NCALD: variants seen among roughly 807,000 people sequenced by gnomAD.
NCALD encodes the protein neurocalcin delta, also known as neurocalcin-delta.
NCALD carries 10 observed loss-of-function variants against 18.6 expected under a neutral mutation model. The ratio of observed to expected loss-of-function variants is 0.54; its 90% CI spans 0.33 to 0.91. NCALD has a LOEUF of 0.91. NCALD is among the 40% of genes least tolerant of loss of function. The pLI, the probability that NCALD is intolerant of heterozygous loss-of-function variation, is 0.03. For synonymous variants in NCALD, 88 were observed against 87.4 expected (o/e 1.01, Z -0.04); for missense variants, 184 against 247.6 (o/e 0.74, Z 1.72).
intron 1 of NCALD, among the ~76,000 whole-genome samples, chr8:102,079,172 T>C (rs1193621832): frequency 3.3e-5 from 5 of 152,222 alleles, no homozygotes; most frequent in Non-Finnish European, 7.3e-5. Context: ...GTCCTTTCCA[T>C]GAAACCCCCT....
intron 2 of NCALD, among the ~76,000 whole-genome samples, chr8:101,977,008 G>A (rs1052750891): frequency 5.9e-5 from 9 of 152,130 alleles, no homozygotes; most frequent in Admixed American, 2.6e-4. Context: ...GCAGGCTTAC[G>A]TGGAGATACT....
intron 2 of NCALD, among the ~76,000 whole-genome samples, chr8:102,013,410 A>G (rs1422326828): frequency 6.6e-6 from 1 of 152,180 alleles, no homozygotes; most frequent in Non-Finnish European, 1.5e-5. Flanking sequence ...TGATGTCTAC[A>G]TTTAGTTCTC....
chr8:102,094,872 C>T (rs1293540642), intron 1 of NCALD, among the ~76,000 whole-genome samples: 4 of 152,152 alleles, frequency 2.6e-5, no homozygotes, highest in Non-Finnish European at 4.4e-5. Flanking sequence ...GGAACACAAA[C>T]GATTGCTGGA....
chr8:101,910,709 T>C (rs970489486), intron 3 of NCALD, among the ~76,000 whole-genome samples: 1 of 152,200 alleles, frequency 6.6e-6, no homozygotes, highest in African/African-American at 2.4e-5. Flanking sequence ...AATAAATAGA[T>C]CCAGAATTTT....
chr8:102,039,509 T>G (rs754644467), intron 1 of NCALD, among the ~76,000 whole-genome samples: 6 of 152,200 alleles, frequency 3.9e-5, no homozygotes, highest in Non-Finnish European at 8.8e-5. Context: ...CAATCTCATT[T>G]GAATTTTATA....
intron 2 of NCALD, among the ~76,000 whole-genome samples, chr8:101,983,326 A>G (rs761167206): frequency 2.6e-5 from 4 of 152,150 alleles, no homozygotes; most frequent in Non-Finnish European, 5.9e-5. Context: ...TTCTTTAGGA[A>G]AGGTTATTTC....
At chr8:101,913,891 GT>G (rs1817887527) in intron 3 of NCALD, among the ~76,000 whole-genome samples, 1 of 152,052 alleles carries the variant, frequency 6.6e-6, no homozygotes, top group South Asian at 2.1e-4. Flanking sequence ...CTACTTAACT[GT>G]TTTTCAAATA....
Position 102,088,008 on chromosome 8 carries a change from G to T in NCALD, c.-210+36229C>A, listed in dbSNP as rs186676821. Among the ~76,000 whole-genome samples, 211 of 152,314 alleles carry T rather than the reference G, an allele frequency of 1.4e-3. 2 individuals are homozygous for T. The highest frequency in any genetic ancestry group is 4.9e-3 in the African/African-American group (204 of 41,570). On this transcript the variant is annotated intron_variant, in intron 1 of 6. Transcript: ENST00000311028. ...TAATGGGAAAAAAAAGGATTTGTGA[G>T]GCTAATCTTAAGCTGCAGCAAATCT...
Position 102,117,108 on chromosome 8 carries a change from G to A in NCALD, c.-210+7129C>T, listed in dbSNP as rs370593919. 7.2e-5 allele frequency among the ~76,000 whole-genome samples: 11 copies of A among 152,294 alleles called. No individual in the cohort carries two copies. The East Asian group carries it at 1.3e-3, about 19-fold the overall frequency. On this transcript the variant is annotated intron_variant, in intron 1 of 6. Coordinates refer to the NCALD transcript ENST00000311028. Reference sequence around the variant, plus strand: ...CCCCTAGAATCCCTGGAGGAAGCACGGCATTTCGGCCTCAGACTTCTAGCC... The same window carrying A: ...CCCCTAGAATCCCTGGAGGAAGCACAGCATTTCGGCCTCAGACTTCTAGCC...
At chr8:101,973,669 G>C (rs113234633) in intron 2 of NCALD, among the ~76,000 whole-genome samples, 2 of 152,146 alleles carry the variant, frequency 1.3e-5, no homozygotes, top group Non-Finnish European at 2.9e-5. Context: ...GAGGGGAAGA[G>C]CCACAGGTGA....
intron 1 of NCALD, among the ~76,000 whole-genome samples, chr8:101,725,480 T>C (rs555222307): frequency 1.3e-5 from 2 of 152,326 alleles, no homozygotes; most frequent in East Asian, 3.9e-4. Flanking sequence ...AAACTGTTCA[T>C]GTGACCTGAT....
At chr8:101,946,543 T>C (rs1218092646) in intron 2 of NCALD, among the ~76,000 whole-genome samples, 5 of 152,114 alleles carry the variant, frequency 3.3e-5, no homozygotes, top group African/African-American at 1.2e-4. Context: ...GGTATCTAGT[T>C]TGAGTCACTA....
intron 1 of NCALD, among the ~76,000 whole-genome samples, chr8:101,775,304 G>A (rs535831699): frequency 7.9e-4 from 120 of 152,302 alleles, no homozygotes; most frequent in Admixed American, 2.0e-3. Flanking sequence ...TGCCTCTCAT[G>A]TTATGTGCCA....
intron 2 of NCALD, among the ~76,000 whole-genome samples, chr8:101,705,856 A>G (rs1815494388): frequency 6.6e-6 from 1 of 152,212 alleles, no homozygotes; most frequent in African/African-American, 2.4e-5. Context: ...TGGAACAGAA[A>G]TGAGATCCCA....
intron 1 of NCALD, among the ~76,000 whole-genome samples, chr8:102,102,977 A>T (rs1258658640): frequency 6.6e-6 from 1 of 152,094 alleles, no homozygotes; most frequent in East Asian, 1.9e-4. Context: ...AATGCTCAAG[A>T]CGCTGATTGA....
intron 1 of NCALD, among the ~76,000 whole-genome samples, chr8:102,038,426 A>T (rs994167884): frequency 6.6e-6 from 1 of 152,166 alleles, no homozygotes; most frequent in Non-Finnish European, 1.5e-5. Context: ...GTCTATGAGA[A>T]ACACAGCGAA....
intron 2 of NCALD, among the ~76,000 whole-genome samples, chr8:101,997,318 A>G (rs1821273736): frequency 6.6e-6 from 1 of 152,220 alleles, no homozygotes; most frequent in South Asian, 2.1e-4. Context: ...AAGGAAACAC[A>G]GTGTAAACTA....
At chr8:101,861,287 G>A (rs1815531537) in intron 4 of NCALD, among the ~76,000 whole-genome samples, 1 of 152,088 alleles carries the variant, frequency 6.6e-6, no homozygotes, top group African/African-American at 2.4e-5. Context: ...GGAGGAAACT[G>A]AGAGATACCT....
intron 4 of NCALD, among the ~76,000 whole-genome samples, chr8:101,826,900 A>T (rs1813960433): frequency 6.6e-6 from 1 of 152,106 alleles, no homozygotes; most frequent in African/African-American, 2.4e-5. Context: ...ACAATGTAGT[A>T]GGTCTTTCAG....
Sources: gnomAD v4.1 joint callset for allele counts (sites outside exome capture counted in the v4.1 genomes callset) on GRCh38, gnomAD v4.1.1 for gene constraint, MANE v1.5 for transcripts, NCBI Gene and HGNC (gene_info 2026-07-23, HGNC 2026-07-21) for gene names.